The following C18orf63 variants were observed in gnomAD, a reference collection of about 807,000 sequenced individuals.
C18orf63 encodes uncharacterized protein C18orf63.
Under a neutral mutation model 75.3 loss-of-function variants are expected in C18orf63, and 50 were observed. The observed-to-expected ratio is 0.66, with a 90% CI of 0.53 to 0.84. The LOEUF (loss-of-function observed/expected upper bound fraction) is 0.84, where lower values mean the gene tolerates loss of function less well. Ranked by LOEUF, C18orf63 falls within the 40% of genes least tolerant of loss-of-function variation. C18orf63 has a pLI of 0.00. For missense variants in C18orf63, 732 were observed against 800.2 expected (o/e 0.91, Z 1.03); for synonymous variants, 232 against 267.6 (o/e 0.87, Z 1.30).
chr18:74,335,577 T>C (rs1475571095), intron 7 of C18orf63, among the ~76,000 whole-genome samples: 4 of 152,128 alleles, frequency 2.6e-5, no homozygotes, highest in Admixed American at 2.6e-4. Flanking sequence ...TATAATTGAA[T>C]CCACAGTTAC....
Position 74,332,897 on chromosome 18 carries a change from A to G in C18orf63, c.501+1955A>G, listed in dbSNP as rs116889927. 1.1e-4 allele frequency among the ~76,000 whole-genome samples: 17 copies of G among 152,262 alleles called. No individual in the cohort carries two copies. The East Asian group carries it at 3.3e-3, about 29-fold the overall frequency. Reference sequence around the variant, plus strand: ...GAAGACTAATATTGTGGCTTATTCAACTTTGAATTTTCTACAGATGATACT... The same window carrying G: ...GAAGACTAATATTGTGGCTTATTCAGCTTTGAATTTTCTACAGATGATACT... On this transcript the variant is annotated intron_variant, in intron 7 of 13. Transcript: ENST00000579455.
At chr18:74,317,348 C>G (rs767664435) in intron 1 of C18orf63, among the ~76,000 whole-genome samples, 13 of 152,090 alleles carry the variant, frequency 8.5e-5, no homozygotes, top group Non-Finnish European at 1.9e-4. Flanking sequence ...TTAGTGGAAA[C>G]AAAAACTAGG....
At chr18:74,319,501 G>C (rs1258220940) in intron 2 of C18orf63, among the ~76,000 whole-genome samples, 3 of 152,116 alleles carry the variant, frequency 2.0e-5, no homozygotes, top group Admixed American at 2.0e-4. Context: ...TATTCTTTTT[G>C]TGTTTTTCCT....
Position 74,354,481 on chromosome 18 carries a change from C to T in C18orf63, c.2026C>T (p.Leu676Phe), listed in dbSNP as rs753139597. Residue 676 changes from leucine to phenylalanine, a missense_variant, in exon 13 of 14, where the codon CTT (leucine) becomes TTT (phenylalanine). Leu to Phe is a conservative substitution (Grantham distance 22). Transcript: ENST00000579455. ...GATACTTGACTCGGATAAATCAAAA[C>T]TTAAGAAATCTCTCATCATTCATAA... is the stretch of plus-strand genomic sequence containing the variant. ...KQILDSDKSK[L>F]KKSLIIHNA The T allele has an allele frequency of 4.1e-6, 6 of 1,478,890 alleles. No individual in the cohort carries two copies. Among genetic ancestry groups the T allele is most frequent in the Non-Finnish European group, 5.5e-6 (6 of 1,097,158 alleles). The allele number at this position is 1,478,890 out of a possible 1,614,324, so 91.6% of individuals were successfully genotyped here.
At chr18:74,349,418 C>G (rs1044139709) in intron 11 of C18orf63, among the ~76,000 whole-genome samples, 1 of 152,100 alleles carries the variant, frequency 6.6e-6, no homozygotes, top group Admixed American at 6.5e-5. Flanking sequence ...GGTCCCCAAC[C>G]CCCCAGGTCA....
chr18:74,353,571 T>C lies in C18orf63; in HGVS notation c.1304T>C (p.Phe435Ser). 1 of 1,536,472 alleles carries C rather than the reference T, an allele frequency of 6.5e-7. No homozygotes were observed. The highest frequency in any genetic ancestry group is 8.7e-7 in the Non-Finnish European group (1 of 1,146,960). The change falls in exon 12 of 14, where the codon TTT becomes TCT. Residue 435 changes from phenylalanine to serine, a missense_variant. By Grantham distance (155) the Phe-to-Ser change is radical. Around this residue, in one of 3 missense-constraint regions of C18orf63, gnomAD observed 495 missense variants for 508.7 expected, o/e 0.97. Coordinates refer to ENST00000579455, the MANE Select transcript of C18orf63 (RefSeq NM_001174123.2). The part of the protein sequence containing the change: ...LSSQSNITPK[F>S]VPVFKNRLLQ... ...TCCCAAAGCAACATCACCCCTAAGT[T>C]TGTACCAGTTTTCAAAAATAGATTG... is the stretch of plus-strand genomic sequence containing the variant.
intron 6 of C18orf63, among the ~76,000 whole-genome samples, chr18:74,329,373 CAAA>C (rs5826314): frequency 4.1e-4 from 39 of 94,296 alleles, no homozygotes; most frequent in South Asian, 1.1e-3. Context: ...GACCCTATTT[CAAA>C]AAAAAAAAAA....
At chr18:74,355,643 G>A (rs532140695) in intron 13 of C18orf63, among the ~76,000 whole-genome samples, 2 of 151,992 alleles carry the variant, frequency 1.3e-5, no homozygotes, top group African/African-American at 4.8e-5. Flanking sequence ...ATTAGGGCCG[G>A]GCATGGTGGC....
Position 74,346,114 on chromosome 18 carries a change from G to A in C18orf63, c.978+2412G>A, listed in dbSNP as rs189082365. ...ATAATAGTTTATAACTTTATGTATGGGAAGTCTTTTGTACTTCCTATACAT... is the reference window on the plus strand; with the variant it reads ...ATAATAGTTTATAACTTTATGTATGAGAAGTCTTTTGTACTTCCTATACAT... On this transcript the variant is annotated intron_variant, in intron 11 of 13. Transcript: ENST00000579455. 1.5e-3 allele frequency among the ~76,000 whole-genome samples: 233 copies of A among 151,568 alleles called. 1 individual carries two copies. Among genetic ancestry groups the A allele is most frequent in the Middle Eastern group, 6.8e-3 (2 of 294 alleles).
intron 11 of C18orf63, among the ~76,000 whole-genome samples, chr18:74,344,023 C>T (rs567212198): frequency 1.3e-5 from 2 of 152,038 alleles, no homozygotes; most frequent in Non-Finnish European, 2.9e-5. Context: ...ACTGTGCTGA[C>T]AGTATAAGTT....
intron 7 of C18orf63, among the ~76,000 whole-genome samples, chr18:74,331,576 G>T (rs901674739): frequency 5.9e-5 from 9 of 152,134 alleles, no homozygotes; most frequent in African/African-American, 1.9e-4. Flanking sequence ...TTATCACAGT[G>T]GAGGAAGGAT....
chr18:74,347,723 A>G lies in C18orf63; in HGVS notation c.978+4021A>G, dbSNP rs192504535. ...AAGGCATAAATTTAAAAAATGGAAA[A>G]TAAATTGATCAGACTACTTGATAAA... On this transcript the variant is annotated intron_variant, in intron 11 of 13. Coordinates refer to ENST00000579455, the MANE Select transcript of C18orf63 (RefSeq NM_001174123.2). 5.3e-5 allele frequency among the ~76,000 whole-genome samples: 8 copies of G among 152,354 alleles called. No individual in the cohort carries two copies. The East Asian group carries it at 1.5e-3, about 29-fold the overall frequency.
intron 1 of C18orf63, among the ~76,000 whole-genome samples, chr18:74,316,831 A>C (rs1246988067): frequency 6.6e-6 from 1 of 152,226 alleles, no homozygotes; most frequent in Non-Finnish European, 1.5e-5. Context: ...GGAACTCACA[A>C]AATTAAACAA....
At chr18:74,340,167 CAAAT>C (rs35855400) in intron 8 of C18orf63, among the ~76,000 whole-genome samples, 77,146 of 151,498 alleles carry the variant, frequency 0.51, 20,203 homozygotes, top group Non-Finnish European at 0.58. Context: ...AGCAAGAAAA[CAAAT>C]AACCTGATTT....
At chr18:74,317,492 A>T (rs1410495924) in intron 1 of C18orf63, among the ~76,000 whole-genome samples, 2 of 152,252 alleles carry the variant, frequency 1.3e-5, no homozygotes, top group Non-Finnish European at 2.9e-5. Flanking sequence ...TTTAAAAAAT[A>T]GTTATTGTTA....
chr18:74,352,862 G>A (rs115640689), intron 11 of C18orf63, among the ~76,000 whole-genome samples: 1,702 of 152,280 alleles, frequency 0.011, 34 homozygotes, highest in African/African-American at 0.038. Flanking sequence ...GTCGCTCTGT[G>A]GTAGATTGAT....
rs1424451798 is a variant in C18orf63, at chr18:74,354,098, C to T, written c.1831C>T (p.Gln611Ter). The stretch of plus-strand genomic sequence containing the variant: ...AACCGAAGATCCACGACTGCTACAG[C>T]AGCAATCAGAAAATCAAGCTAAAGA... ...GETEDPRLLQ[Q>*]QSENQAKEVG... is the part of the protein sequence containing the mutation. Residue 611 changes from glutamine to a stop codon, truncating the protein, a stop_gained, in exon 12 of 14, where the codon CAG (glutamine) becomes TAG (stop). Coordinates refer to ENST00000579455, the MANE Select transcript of C18orf63 (RefSeq NM_001174123.2). LOFTEE classifies it high-confidence loss of function. 1 of 1,536,220 alleles carries T rather than the reference C, an allele frequency of 6.5e-7. No homozygotes were observed. The highest frequency in any genetic ancestry group is 8.7e-7 in the Non-Finnish European group (1 of 1,146,936).
intron 6 of C18orf63, among the ~76,000 whole-genome samples, chr18:74,329,373 C>T (rs1403467248): frequency 2.1e-5 from 2 of 94,318 alleles, no homozygotes; most frequent in Non-Finnish European, 4.4e-5. Flanking sequence ...GACCCTATTT[C>T]AAAAAAAAAA....
At chr18:74,341,985 C>A in intron 8 of C18orf63, 47 bp from the exon 9 acceptor site, 1 of 906,568 alleles carries the variant, frequency 1.1e-6, no homozygotes, top group Admixed American at 2.5e-5. Flanking sequence ...ACTTATTAAA[C>A]TATATTTAAG....
Sources: gnomAD v4.1 joint callset for allele counts (sites outside exome capture counted in the v4.1 genomes callset) on GRCh38, gnomAD v4.1.1 for gene constraint, gnomAD v4.1.1 regional missense constraint, MANE v1.5 for transcripts, NCBI Gene and HGNC (gene_info 2026-07-23, HGNC 2026-07-21) for gene names.